TMEM14A: variants seen among roughly 807,000 people sequenced by gnomAD.
TMEM14A encodes transmembrane protein 14A.
In TMEM14A, 8 loss-of-function variants were observed where a neutral mutation model predicts 11.6. The ratio of observed to expected loss-of-function variants is 0.69; its 90% confidence interval spans 0.40 to 1.24. The LOEUF is 1.24. TMEM14A is among the 50% of genes most tolerant of loss of function. The pLI is 0.01. For synonymous variants in TMEM14A, 34 were observed against 45.5 expected, an observed-to-expected ratio of 0.75 and a Z score of 1.02; for missense variants, 108 against 121.9, an observed-to-expected ratio of 0.89 and a Z score of 0.54.
At position 52,671,151 on chromosome 6, in the gene TMEM14A, T is replaced by G. The variant is rs1769152351; in HGVS notation, c.-111T>G. 1.3e-5 allele frequency: 2 copies of G among 152,258 alleles called. No homozygotes were observed. The highest frequency in any genetic ancestry group is 6.5e-5 in the Admixed American group (1 of 15,290). 9.4% of individuals were successfully genotyped at this position (152,258 alleles called of 1,614,324 possible). On this transcript the variant is annotated 5_prime_UTR_variant, in exon 1 of 5. Coordinates refer to ENST00000211314, the MANE Select transcript of TMEM14A (RefSeq NM_014051.4). Reference sequence around the variant, plus strand: ...TGGGCGCCGAGTGGGACAGCGCTGGTGCGGAGACTGCTTCCGGACTCCAGG... The same window carrying G: ...TGGGCGCCGAGTGGGACAGCGCTGGGGCGGAGACTGCTTCCGGACTCCAGG...
At chr6:52,681,943 A>C (rs1464673851) in intron 3 of TMEM14A, 29 bp downstream of exon 3, 1 of 1,579,874 alleles carries the variant, frequency 6.3e-7, no homozygotes, top group Admixed American at 1.7e-5. Context: ...CTGGTTACAG[A>C]GACTCAAACA....
At chr6:52,683,480 C>CAAAAAAAAA (rs1434598439) in intron 3 of TMEM14A, among the ~76,000 whole-genome samples, 1 of 101,302 alleles carries the variant, frequency 9.9e-6, no homozygotes, top group East Asian at 2.6e-4. Context: ...ACAACAACAA[C>CAAAAAAAAA]AACAAAAAAA....
At chr6:52,678,041 TAATG>T (rs1769291876) in intron 2 of TMEM14A, among the ~76,000 whole-genome samples, 1 of 152,152 alleles carries the variant, frequency 6.6e-6, no homozygotes, top group South Asian at 2.1e-4. Flanking sequence ...GTTTCTGTCT[TAATG>T]TATGTATTAG....
intron 2 of TMEM14A, among the ~76,000 whole-genome samples, chr6:52,678,551 A>G (rs939837147): frequency 6.6e-6 from 1 of 152,120 alleles, no homozygotes; most frequent in African/African-American, 2.4e-5. Flanking sequence ...CCCCAAGGGT[A>G]TTATGGGTTC....
In TMEM14A at chr6:52,686,321, A is replaced by C; in HGVS notation, c.*272A>C. 2.5e-6 allele frequency: 1 copy of C among 396,262 alleles called. No homozygotes were observed. 24.5% of individuals were successfully genotyped at this position (396,262 alleles called of 1,614,324 possible). ...TGTGTCTATTTTTTATATATTTGGT[A>C]TTTTTTGAAAATTCCAAATACTCAT... On this transcript the variant is annotated 3_prime_UTR_variant, in exon 5 of 5. Coordinates refer to ENST00000211314, the MANE Select transcript of TMEM14A (RefSeq NM_014051.4).
chr6:52,680,504 GTGTT>G (rs1769343620), intron 2 of TMEM14A, among the ~76,000 whole-genome samples: 1 of 148,364 alleles, frequency 6.7e-6, no homozygotes, highest in African/African-American at 2.5e-5. Flanking sequence ...TCATCTTACT[GTGTT>G]TGAAGAATAG....
chr6:52,681,668 G>C (rs1769393886), intron 2 of TMEM14A, 145 bp from the exon 3 acceptor site: 1 of 661,608 alleles, frequency 1.5e-6, no homozygotes, highest in African/African-American at 1.8e-5. Context: ...TCCATGAAGA[G>C]GCCTATTCTT....
intron 3 of TMEM14A, among the ~76,000 whole-genome samples, 183 bp from the exon 4 acceptor site, chr6:52,683,895 G>C (rs552394195): frequency 6.6e-6 from 1 of 152,208 alleles, no homozygotes; most frequent in Non-Finnish European, 1.5e-5. Flanking sequence ...GATTATAGGC[G>C]TAAGCCACTG....
At chr6:52,680,673 A>G (rs1326317259) in intron 2 of TMEM14A, among the ~76,000 whole-genome samples, 1 of 86,036 alleles carries the variant, frequency 1.2e-5, no homozygotes, top group Admixed American at 1.2e-4. Flanking sequence ...ATATGTGTAT[A>G]TATATATATA....
At chr6:52,685,655 G>C (rs1167455753) in intron 4 of TMEM14A, among the ~76,000 whole-genome samples, 2 of 151,978 alleles carry the variant, frequency 1.3e-5, no homozygotes, top group Non-Finnish European at 2.9e-5. Context: ...TCAGTTAATA[G>C]AAAGTAGCTG....
rs973044593 is a variant in TMEM14A at position 52,686,221 on chromosome 6, T to G, written c.*172T>G. The G allele has an allele frequency of 2.0e-6, 1 of 504,388 alleles. No individual in the cohort carries two copies. The highest frequency in any genetic ancestry group is 3.4e-6 in the Non-Finnish European group (1 of 297,532). 31.2% of individuals were successfully genotyped at this position (504,388 alleles called of 1,614,324 possible). The stretch of plus-strand genomic sequence containing the variant: ...GTAGTTTTTTTCTAAAGCAAAAATT[T>G]TAACTGTTTTCTAATTGTCAAGCAC... On this transcript the variant is annotated 3_prime_UTR_variant, in exon 5 of 5. Transcript: ENST00000211314.
chr6:52,684,583 G>A (rs1244900587), intron 4 of TMEM14A, among the ~76,000 whole-genome samples: 1 of 152,182 alleles, frequency 6.6e-6, no homozygotes, highest in Non-Finnish European at 1.5e-5. Context: ...ATTTTTAAGA[G>A]TTTTTAAGAG....
chr6:52,671,366 C>G (rs945771182), intron 1 of TMEM14A, 121 bp downstream of exon 1: 1 of 152,188 alleles, frequency 6.6e-6, no homozygotes, highest in Non-Finnish European at 1.5e-5. Context: ...GTACAGCAAA[C>G]GATGATGCAG....
intron 2 of TMEM14A, among the ~76,000 whole-genome samples, chr6:52,679,847 A>C (rs1476567562): frequency 7.3e-6 from 1 of 136,104 alleles, no homozygotes; most frequent in African/African-American, 2.7e-5. Flanking sequence ...CCACATACTT[A>C]AGTGTGCGTG....
intron 1 of TMEM14A, among the ~76,000 whole-genome samples, chr6:52,672,559 C>T (rs1333834209): frequency 6.6e-6 from 1 of 152,140 alleles, no homozygotes; most frequent in Non-Finnish European, 1.5e-5. Context: ...CGCCACACAC[C>T]TGCTGCTGTT....
chr6:52,675,434 T>A (rs1769238792), intron 1 of TMEM14A, among the ~76,000 whole-genome samples: 1 of 152,176 alleles, frequency 6.6e-6, no homozygotes, highest in Non-Finnish European at 1.5e-5. Context: ...TTTCATCTAT[T>A]CTCCTAACTT....
intron 1 of TMEM14A, among the ~76,000 whole-genome samples, chr6:52,675,814 C>G (rs1561873543): frequency 6.6e-6 from 1 of 152,144 alleles, no homozygotes; most frequent in Non-Finnish European, 1.5e-5. Context: ...AATATCTGTA[C>G]AGACATGAAA....
Position 52,682,978 on chromosome 6 carries a change from T to A in TMEM14A, c.172+1064T>A, listed in dbSNP as rs936210242. Among the ~76,000 whole-genome samples, 12 of 150,894 alleles carry A rather than the reference T, an allele frequency of 8.0e-5. No individual in the cohort carries two copies. In the South Asian group the frequency reaches 2.1e-3, roughly 26 times the overall value. ...AACCAATCAGCCTTCTTTTTAGTAT[T>A]TTTTTTTTATTAATCAGATCTTACT... is the stretch of plus-strand genomic sequence containing the variant. On this transcript the variant is annotated intron_variant, in intron 3 of 4. Coordinates refer to ENST00000211314, the MANE Select transcript of TMEM14A (RefSeq NM_014051.4).
At chr6:52,676,765 G>T (rs1769263985) in intron 1 of TMEM14A, among the ~76,000 whole-genome samples, 1 of 152,162 alleles carries the variant, frequency 6.6e-6, no homozygotes, top group Non-Finnish European at 1.5e-5. Context: ...GAAGGCAAAG[G>T]GGAAGCAAGC....
Sources: gnomAD v4.1 joint callset for allele counts (sites outside exome capture counted in the v4.1 genomes callset) on GRCh38, gnomAD v4.1.1 for gene constraint, MANE v1.5 for transcripts, NCBI Gene and HGNC (gene_info 2026-07-23, HGNC 2026-07-21) for gene names.